RARS1: variants seen among roughly 807,000 people sequenced by gnomAD.
RARS1 encodes the protein arginyl-tRNA synthetase 1.
A neutral mutation model predicts 78.7 loss-of-function variants in RARS1; 75 were observed. That is an observed-to-expected ratio of 0.95 (90% confidence interval 0.79 to 1.15). The LOEUF (loss-of-function observed/expected upper bound fraction) is 1.15. RARS1 is among the 50% of genes most tolerant of loss of function. RARS1 has a pLI of 0.00. For missense variants in RARS1, 787 were observed against 787.5 expected, an observed-to-expected ratio of 1.00 and a Z score of 0.01; for synonymous variants, 273 against 268.2, an observed-to-expected ratio of 1.02 and a Z score of -0.18.
rs1002504160 is a variant in RARS1 at position 168,506,069 on chromosome 5, G to C, written c.1106G>C (p.Cys369Ser). 1.2e-6 allele frequency: 2 copies of C among 1,608,014 alleles called. No individual in the cohort carries two copies. The change falls in exon 10 of 15, where the codon TGT becomes TCT. Residue 369 changes from cysteine (C) to serine (S), a missense_variant. Physicochemically the swap from Cys to Ser is moderately radical, Grantham distance 112. Coordinates refer to ENST00000231572, the MANE Select transcript of RARS1 (RefSeq NM_002887.4). ...AGAAAGATTGTATTTGTCCCAGGGT[G>C]TTCCATACCATTAACCATAGTAAAA... ...DGRKIVFVPG[C>S]SIPLTIVKSD... is the part of the protein sequence containing the mutation.
intron 9 of RARS1, among the ~76,000 whole-genome samples, chr5:168,504,956 A>G (rs569518669): frequency 6.6e-6 from 1 of 152,342 alleles, no homozygotes; most frequent in African/African-American, 2.4e-5. Context: ...ACTGCATGAC[A>G]GAGAAAGACC....
At chr5:168,505,576 A>G (rs1210006901) in intron 9 of RARS1, among the ~76,000 whole-genome samples, 1 of 152,134 alleles carries the variant, frequency 6.6e-6, no homozygotes, top group Non-Finnish European at 1.5e-5. Context: ...ATGGGTTCCA[A>G]CTAAAGAGTT....
rs915745441 is a variant in RARS1 at position 168,504,984 on chromosome 5, C to A, written c.1058-1037C>A. 4.7e-4 allele frequency among the ~76,000 whole-genome samples: 72 copies of A among 152,196 alleles called. 1 individual carries two copies. The highest frequency in any genetic ancestry group is 1.6e-3 in the African/African-American group (68 of 41,500). ...GAAAGACCTGGATGACAGAGCAAGA[C>A]CCTGTCTGAAAAAAATAAATAAATG... On this transcript the variant is annotated intron_variant, in intron 9 of 14. Transcript: ENST00000231572.
intron 8 of RARS1, among the ~76,000 whole-genome samples, chr5:168,501,238 G>A (rs1758313369): frequency 6.6e-6 from 1 of 152,150 alleles, no homozygotes; most frequent in Non-Finnish European, 1.5e-5. Flanking sequence ...GATTAATGAT[G>A]ACTGGCTTGC....
intron 7 of RARS1, 131 bp downstream of exon 7, chr5:168,497,479 A>G: frequency 1.5e-6 from 1 of 667,378 alleles, no homozygotes. Flanking sequence ...AGCCTTAGTA[A>G]TACATGTCTC....
intron 2 of RARS1, among the ~76,000 whole-genome samples, chr5:168,491,078 A>G (rs879543918): frequency 1.3e-5 from 2 of 152,260 alleles, no homozygotes; most frequent in African/African-American, 2.4e-5. Flanking sequence ...CAGAGGTTGC[A>G]GTGAGCCAAA....
chr5:168,509,841 C>T lies in RARS1; in HGVS notation c.1347-740C>T, dbSNP rs372558531. Among the ~76,000 whole-genome samples the T allele has an allele frequency of 2.2e-4, 33 of 151,942 alleles. No homozygotes were observed. In the South Asian group the frequency reaches 6.7e-3, roughly 31 times the overall value. ...AAAAAATTAACCAGGTATGGTGGCTCGCACCTATAGAATTAGCTACTTGGG... is the reference window on the plus strand; with the variant it reads ...AAAAAATTAACCAGGTATGGTGGCTTGCACCTATAGAATTAGCTACTTGGG... On this transcript the variant is annotated intron_variant, in intron 11 of 14. Coordinates refer to ENST00000231572, the MANE Select transcript of RARS1 (RefSeq NM_002887.4).
chr5:168,488,600 A>G lies in RARS1; in HGVS notation c.46-2A>G. On this transcript the variant is annotated splice_acceptor_variant, in intron 1 of 14. Coordinates refer to ENST00000231572, the MANE Select transcript of RARS1 (RefSeq NM_002887.4). LOFTEE classifies it high-confidence loss of function. Reference sequence around the variant, plus strand: ...CTGAAAAAAGTGCTTTTTTTCCCACAGGAAGAAGAGATTAAATCTCTGACT... The same window carrying G: ...CTGAAAAAAGTGCTTTTTTTCCCACGGGAAGAAGAGATTAAATCTCTGACT... The G allele has an allele frequency of 6.3e-7, 1 of 1,594,096 alleles. No homozygotes were observed. The highest frequency in any genetic ancestry group is 8.5e-7 in the Non-Finnish European group (1 of 1,174,970).
In RARS1 at chr5:168,502,040, TAG is replaced by T. The variant is rs768853195; in HGVS notation, c.999_1000del (p.Glu335IlefsTer6). On this transcript the variant is annotated frameshift_variant, in exon 9 of 15. Transcript: ENST00000231572. LOFTEE classifies it high-confidence loss of function. ...TATGATGCATTGGACGTCTCTTTAA[TAG>T]AGAGAGGGGAATCCTTCTATCAAGA... 3 of 1,602,632 alleles carry T rather than the reference TAG, an allele frequency of 1.9e-6. No homozygotes were observed. In the African/African-American group the frequency reaches 4.0e-5, roughly 22 times the overall value.
rs188687302 is a variant in RARS1 at position 168,517,128 on chromosome 5, A to G, written c.1625+178A>G. The stretch of plus-strand genomic sequence containing the variant: ...CATACCACCATTACACCTGACTTCT[A>G]AAGTGTTTTTTTTTGTTTGTTTGTT... On this transcript the variant is annotated intron_variant, in intron 13 of 14. Coordinates refer to ENST00000231572, the MANE Select transcript of RARS1 (RefSeq NM_002887.4). Among the ~76,000 whole-genome samples, 3 of 151,282 alleles carry G rather than the reference A, an allele frequency of 2.0e-5. No individual in the cohort carries two copies. The East Asian group carries it at 5.8e-4, about 29-fold the overall frequency.
At chr5:168,494,894 G>C in intron 5 of RARS1, 1 of 402,162 alleles carries the variant, frequency 2.5e-6, no homozygotes, top group Non-Finnish European at 4.4e-6. Flanking sequence ...CATGGAAAGT[G>C]CTGAAACCGG....
At chr5:168,488,189 A>G in intron 1 of RARS1, 1 of 381,096 alleles carries the variant, frequency 2.6e-6, no homozygotes, top group Non-Finnish European at 5.2e-6. Flanking sequence ...GTGCAGTGGC[A>G]CGATCTCGAC....
rs527307904 is a variant in RARS1, at chr5:168,496,214, A to G, written c.701+778A>G. Among the ~76,000 whole-genome samples the G allele has an allele frequency of 3.3e-5, 5 of 151,866 alleles. No individual in the cohort carries two copies. The East Asian group carries it at 6.0e-4, about 18-fold the overall frequency. Reference sequence around the variant, plus strand: ...GGCAACATGGTGAAACCCTGTCTCTACTAAAAATACAAAAATTAGCTGGGT... The same window carrying G: ...GGCAACATGGTGAAACCCTGTCTCTGCTAAAAATACAAAAATTAGCTGGGT... On this transcript the variant is annotated intron_variant, in intron 6 of 14. Coordinates refer to ENST00000231572, the MANE Select transcript of RARS1 (RefSeq NM_002887.4).
rs1193553206 is a variant in RARS1, at chr5:168,507,122, T to A, written c.1346+291T>A. 2.0e-5 allele frequency among the ~76,000 whole-genome samples: 3 copies of A among 152,328 alleles called. No individual in the cohort carries two copies. The South Asian group carries it at 6.2e-4, about 32-fold the overall frequency. On this transcript the variant is annotated intron_variant, in intron 11 of 14. Transcript: ENST00000231572. ...ATCTAAATTATAAAATCTATTACAGTACCTGCTCAGATTTCAGACACTATT... is the reference window on the plus strand; with the variant it reads ...ATCTAAATTATAAAATCTATTACAGAACCTGCTCAGATTTCAGACACTATT...
intron 11 of RARS1, among the ~76,000 whole-genome samples, chr5:168,508,380 T>C (rs950612891): frequency 4.6e-5 from 7 of 151,780 alleles, no homozygotes; most frequent in Non-Finnish European, 1.0e-4. Flanking sequence ...CCCAGCACTT[T>C]GGGAGGCCGA....
chr5:168,497,448 A>G lies in RARS1; in HGVS notation c.822+100A>G, dbSNP rs1013197706. 1.9e-5 allele frequency: 20 copies of G among 1,059,752 alleles called. 1 individual carries two copies. The highest frequency in any genetic ancestry group is 2.2e-5 in the Non-Finnish European group (17 of 783,172). 65.6% of individuals were successfully genotyped at this position (1,059,752 alleles called of 1,614,324 possible). On this transcript the variant is annotated intron_variant, in intron 7 of 14. Coordinates refer to ENST00000231572, the MANE Select transcript of RARS1 (RefSeq NM_002887.4). ...AAAATGGTTTTTAAAGCTACTATGG[A>G]GTTAAGTGAAAGTTGCTAACAGCCT...
intron 11 of RARS1, 97 bp downstream of exon 11, chr5:168,506,928 T>G: frequency 1.0e-6 from 1 of 973,998 alleles, no homozygotes; most frequent in South Asian, 1.5e-5. Context: ...GTCCACAGTT[T>G]CCTTTAGTCC....
In RARS1 at chr5:168,496,956, A is replaced by C. The variant is rs557699987; in HGVS notation, c.702-272A>C. ...AAAATAAACAGATTATAGTCCACTG[A>C]CAGAAAACACATTCATTCAGCAAAT... On this transcript the variant is annotated intron_variant, in intron 6 of 14. Transcript: ENST00000231572. 1.9e-4 allele frequency: 55 copies of C among 291,130 alleles called. No homozygotes were observed. In the South Asian group the frequency reaches 7.2e-3, roughly 38 times the overall value. The allele number at this position is 291,130 out of a possible 1,614,324, so 18.0% of individuals were successfully genotyped here.
At chr5:168,497,184 T>G (rs562824473) in intron 6 of RARS1, 44 bp from the exon 7 acceptor site, 26 of 1,329,958 alleles carry the variant, frequency 2.0e-5, no homozygotes, top group Non-Finnish European at 2.3e-5. Flanking sequence ...CTTAACCATC[T>G]TTATTATTTA....
Sources: gnomAD v4.1 joint callset for allele counts (sites outside exome capture counted in the v4.1 genomes callset) on GRCh38, gnomAD v4.1.1 for gene constraint, MANE v1.5 for transcripts, NCBI Gene and HGNC (gene_info 2026-07-23, HGNC 2026-07-21) for gene names.